Variants in POLD1 observed in about 807,000 individuals in gnomAD.
POLD1 encodes the protein DNA polymerase delta catalytic subunit.
POLD1 carries 79 observed loss-of-function variants against 129.7 expected under a neutral mutation model. That is an observed-to-expected ratio of 0.61 (90% CI 0.51 to 0.73). The LOEUF (loss-of-function observed/expected upper bound fraction) is 0.73, where lower values mean the gene tolerates loss of function less well. Ranked by LOEUF, POLD1 falls within the 30% of genes least tolerant of loss-of-function variation. The pLI, the probability that POLD1 is intolerant of heterozygous loss-of-function variation, is 0.00. For synonymous variants in POLD1, 714 were observed against 683.3 expected, an observed-to-expected ratio of 1.04 and a Z score of -0.70; for missense variants, 1,338 against 1,595.8, an observed-to-expected ratio of 0.84 and a Z score of 2.75.
intron 21 of POLD1, 32 bp from the exon 22 acceptor site, chr19:50,415,692 C>G: frequency 5.3e-6 from 8 of 1,505,416 alleles, no homozygotes; most frequent in Non-Finnish European, 7.2e-6. Flanking sequence ...ACCCACCTGC[C>G]CTCACCCACC....
intron 1 of POLD1, among the ~76,000 whole-genome samples, chr19:50,398,161 A>G (rs756146555): frequency 1.3e-5 from 2 of 152,126 alleles, no homozygotes; most frequent in South Asian, 2.1e-4. Flanking sequence ...GATTATTTCA[A>G]AGTATTTAGG....
chr19:50,402,938 C>A, intron 8 of POLD1, 115 bp from the exon 9 acceptor site: 2 of 1,388,518 alleles, frequency 1.4e-6, no homozygotes, highest in Non-Finnish European at 2.0e-6. Flanking sequence ...CCAGGGTGAG[C>A]CACGTAGGGC....
intron 1 of POLD1, among the ~76,000 whole-genome samples, chr19:50,389,377 C>T (rs1185718507): frequency 6.6e-6 from 1 of 152,008 alleles, no homozygotes; most frequent in African/African-American, 2.4e-5. Flanking sequence ...CTGCCTCGGC[C>T]TCCAAATGTC....
chr19:50,409,560 G>A lies in POLD1; in HGVS notation c.2048G>A (p.Arg683His), dbSNP rs754913337. The A allele has an allele frequency of 1.9e-6, 3 of 1,613,508 alleles. No individual in the cohort carries two copies. Among genetic ancestry groups the A allele is most frequent in the Non-Finnish European group, 2.5e-6 (3 of 1,180,028 alleles). ...ELAKETDPLR[R>H]QVLDGRQLAL... The stretch of plus-strand genomic sequence containing the variant: ...GCCAAGGAGACAGACCCCCTCCGGC[G>A]CCAGGTCCTGGATGGACGGCAGCTG... The change falls in exon 17 of 27, where the codon CGC (arginine) becomes CAC (histidine). Residue 683 changes from arginine to histidine, a missense_variant. This residue lies in a region of POLD1 where 720 missense variants were observed against 1,002.6 expected (regional missense o/e 0.72). Coordinates refer to ENST00000440232, the MANE Select transcript of POLD1 (RefSeq NM_002691.4). The surrounding 1 kb of genome is among the most constrained non-coding windows in gnomAD (Gnocchi z 5.8).
chr19:50,387,788 G>T (rs1185069472), intron 1 of POLD1: 1 of 152,372 alleles, frequency 6.6e-6, no homozygotes, highest in Non-Finnish European at 1.5e-5. Flanking sequence ...AGCCGCTAAC[G>T]ACGCTTGCTT....
Position 50,402,634 on chromosome 19 carries a change from C to T in POLD1, c.863C>T (p.Ala288Val), listed in dbSNP as rs755550936. 7.0e-6 allele frequency: 11 copies of T among 1,577,094 alleles called. No individual in the cohort carries two copies. The South Asian group carries it at 9.2e-5, about 13-fold the overall frequency. The change falls in exon 8 of 27, where the codon GCG becomes GTG. Residue 288 changes from alanine to valine, a missense_variant. Coordinates refer to ENST00000440232, the MANE Select transcript of POLD1 (RefSeq NM_002691.4). ...CAGGCTACGCAGTGCCAGCTGGAGG[C>T]GGACGTGCTGTGGTCTGACGTGGTC... ...KEKATQCQLE[A>V]DVLWSDVVSH...
At position 50,414,898 on chromosome 19, in the gene POLD1, G is replaced by A. The variant is rs2039219124; in HGVS notation, c.2472G>A (p.Met824Ile). 6.2e-7 allele frequency: 1 copy of A among 1,609,586 alleles called. No individual in the cohort carries two copies. Among genetic ancestry groups the A allele is most frequent in the African/African-American group, 1.3e-5 (1 of 74,918 alleles). The change falls in exon 20 of 27, where the codon ATG becomes ATA. Residue 824 changes from methionine to isoleucine, a missense_variant. Around this residue, in one of 3 missense-constraint regions of POLD1, gnomAD observed 720 missense variants for 1,002.6 expected, o/e 0.72. Transcript: ENST00000440232. Reference protein sequence around the residue: ...FSSRPDAHDRMDCKGLEAVRR... With the variant: ...FSSRPDAHDRIDCKGLEAVRR... ...CCCGGCCCGACGCCCACGACCGCATGGACTGCAAGGGCCTGGAGGCCGTGC... is the reference window on the plus strand; with the variant it reads ...CCCGGCCCGACGCCCACGACCGCATAGACTGCAAGGGCCTGGAGGCCGTGC...
chr19:50,402,529 G>T lies in POLD1; in HGVS notation c.834G>T (p.Lys278Asn). 1 of 1,600,494 alleles carries T rather than the reference G, an allele frequency of 6.2e-7. No homozygotes were observed. Among genetic ancestry groups the T allele is most frequent in the Non-Finnish European group, 8.5e-7 (1 of 1,173,824 alleles). Residue 278 changes from lysine (K) to asparagine (N), a missense_variant, in exon 7 of 27, where the codon AAG becomes AAT. Physicochemically the swap from Lys to Asn is moderately conservative, Grantham distance 94 (BLOSUM62 0). Around this residue, in one of 3 missense-constraint regions of POLD1, gnomAD observed 720 missense variants for 1,002.6 expected, o/e 0.72. Coordinates refer to ENST00000440232, the MANE Select transcript of POLD1 (RefSeq NM_002691.4). ...LPAGKYALRL[K>N]EKATQCQLEA... ...CTGGGAAATACGCCCTGAGGCTGAAGGAGAAGGTGCAGGGCTTCCCAGGGC... is the reference window on the plus strand; with the variant it reads ...CTGGGAAATACGCCCTGAGGCTGAATGAGAAGGTGCAGGGCTTCCCAGGGC...
At position 50,401,642 on chromosome 19, in the gene POLD1, G is replaced by A. The variant is rs1403509217; in HGVS notation, c.317-136G>A. On this transcript the variant is annotated intron_variant, in intron 3 of 26. Transcript: ENST00000440232. ...GCTGGAGATGGGAACCAGGGGGGAGGCTGAAATGGACACAGGGAACGGTAC... is the reference window on the plus strand; with the variant it reads ...GCTGGAGATGGGAACCAGGGGGGAGACTGAAATGGACACAGGGAACGGTAC... 5.5e-6 allele frequency: 5 copies of A among 912,084 alleles called. No individual in the cohort carries two copies. The African/African-American group carries it at 8.3e-5, about 15-fold the overall frequency. The allele number at this position is 912,084 out of a possible 1,614,324, so 56.5% of individuals were successfully genotyped here. A position where few individuals can be genotyped will look rare whatever the true frequency, so the allele number is the denominator to read the frequency against.
chr19:50,394,468 A>G lies in POLD1; in HGVS notation c.-1-4383A>G, dbSNP rs138548039. 9.9e-5 allele frequency among the ~76,000 whole-genome samples: 15 copies of G among 152,264 alleles called. No individual in the cohort carries two copies. In the East Asian group the frequency reaches 2.3e-3, roughly 24 times the overall value. ...GGAGTTCCACACCAGCCTGGCCAAC[A>G]TGGTGAAACCCCATCTCTACTAAAA... On this transcript the variant is annotated intron_variant, in intron 1 of 26. Coordinates refer to ENST00000440232, the MANE Select transcript of POLD1 (RefSeq NM_002691.4).
rs2039017173 is a variant in POLD1 at position 50,409,493 on chromosome 19, T to C, written c.2007-26T>C. On this transcript the variant is annotated intron_variant, in intron 16 of 26. Coordinates refer to ENST00000440232, the MANE Select transcript of POLD1 (RefSeq NM_002691.4). This position sits in a 1 kb window ranked among gnomAD's most constrained non-coding sequence, Gnocchi z 5.8. ...GACCAATGCCCAGGTGCCGCCTGAGTGTGCTTTCCCCGTGTTCCCTCGCAG... is the reference window on the plus strand; with the variant it reads ...GACCAATGCCCAGGTGCCGCCTGAGCGTGCTTTCCCCGTGTTCCCTCGCAG... 1.2e-6 allele frequency: 2 copies of C among 1,613,294 alleles called. No homozygotes were observed. Among genetic ancestry groups the C allele is most frequent in the East Asian group, 2.2e-5 (1 of 44,898 alleles).
At chr19:50,399,963 C>T (rs555433195) in intron 3 of POLD1, among the ~76,000 whole-genome samples, 1 of 151,514 alleles carries the variant, frequency 6.6e-6, no homozygotes, top group Admixed American at 6.6e-5. Context: ...TACAGGTGCA[C>T]ACCACCATGC....
chr19:50,411,578 C>T lies in POLD1; in HGVS notation c.2155-1848C>T, dbSNP rs143633818. On this transcript the variant is annotated intron_variant, in intron 17 of 26. Coordinates refer to ENST00000440232, the MANE Select transcript of POLD1 (RefSeq NM_002691.4). ...TGAATTGGCTGGGCGCGGTGGCTCA[C>T]GCCTGTAACCCCAGCACTTTAGGAG... is the stretch of plus-strand genomic sequence containing the variant. Among the ~76,000 whole-genome samples, 13 of 152,344 alleles carry T rather than the reference C, an allele frequency of 8.5e-5. No homozygotes were observed. In the East Asian group the frequency reaches 9.6e-4, roughly 11 times the overall value.
chr19:50,413,559 G>C, intron 18 of POLD1, 38 bp downstream of exon 18: 2 of 1,570,450 alleles, frequency 1.3e-6, no homozygotes, highest in Non-Finnish European at 1.7e-6. Context: ...GATGGGCCCA[G>C]GGCAGGTGGG....
At chr19:50,396,574 T>C (rs970026372) in intron 1 of POLD1, among the ~76,000 whole-genome samples, 44 of 151,876 alleles carry the variant, frequency 2.9e-4, no homozygotes, top group Non-Finnish European at 4.4e-4. Flanking sequence ...GCCTCCTGGG[T>C]TCACACCATT....
chr19:50,409,091 C>T lies in POLD1; in HGVS notation c.1893-31C>T. 6.6e-7 allele frequency: 1 copy of T among 1,512,568 alleles called. No homozygotes were observed. Among genetic ancestry groups the T allele is most frequent in the Non-Finnish European group, 9.2e-7 (1 of 1,088,674 alleles). The allele number at this position is 1,512,568 out of a possible 1,614,324, so 93.7% of individuals were successfully genotyped here. On this transcript the variant is annotated intron_variant, in intron 15 of 26. Transcript: ENST00000440232. The surrounding 1 kb of genome is among the most constrained non-coding windows in gnomAD (Gnocchi z 5.8). ...GAGGTGGGCTGGAGCAGGAGGGTGG[C>T]CGGCAGTCACCCCAACATCTTCCAA...
At position 50,416,709 on chromosome 19, in the gene POLD1, T is replaced by C. The variant is rs2122498293; in HGVS notation, c.3053T>C (p.Val1018Ala). ...RRNCCIGCRT[V>A]LSHQGAVCEF... ...AACTGCTGCATTGGCTGCCGCACAG[T>C]GCTCAGCCACCAGGGTGAGCGGCCC... Residue 1018 changes from valine (V) to alanine (A), a missense_variant, in exon 24 of 27, where the codon GTG (valine) becomes GCG (alanine). Coordinates refer to ENST00000440232, the MANE Select transcript of POLD1 (RefSeq NM_002691.4). 6.5e-7 allele frequency: 1 copy of C among 1,539,494 alleles called. No individual in the cohort carries two copies.
rs2039012343 is a variant in POLD1, at chr19:50,409,362, A to G, written c.2006+127A>G. The stretch of plus-strand genomic sequence containing the variant: ...CCTCAGCTGTGCGTGAATTAGCACA[A>G]GGCATCCCCTCCTGGCAGCTTCCTT... On this transcript the variant is annotated intron_variant, in intron 16 of 26. Coordinates refer to ENST00000440232, the MANE Select transcript of POLD1 (RefSeq NM_002691.4). This position sits in a 1 kb window ranked among gnomAD's most constrained non-coding sequence, Gnocchi z 5.8. 4.0e-6 allele frequency: 5 copies of G among 1,248,114 alleles called. No homozygotes were observed. The highest frequency in any genetic ancestry group is 5.7e-6 in the Non-Finnish European group (5 of 871,050). 77.3% of individuals were successfully genotyped at this position (1,248,114 alleles called of 1,614,324 possible).
At chr19:50,400,163 A>C (rs1251931337) in intron 3 of POLD1, among the ~76,000 whole-genome samples, 1 of 23,668 alleles carries the variant, frequency 4.2e-5, no homozygotes, top group African/African-American at 1.2e-4. Context: ...TTTTTTTTTG[A>C]GACAAGATTT....
Sources: gnomAD v4.1 joint callset for allele counts (sites outside exome capture counted in the v4.1 genomes callset) on GRCh38, gnomAD v4.1.1 for gene constraint, gnomAD v4.1.1 regional missense constraint, Gnocchi (gnomAD v3.1) non-coding constraint, MANE v1.5 for transcripts, NCBI Gene and HGNC (gene_info 2026-07-23, HGNC 2026-07-21) for gene names.